Variants in CACNA2D1 observed in about 807,000 individuals in gnomAD.
CACNA2D1 encodes the protein voltage-dependent calcium channel subunit alpha-2/delta-1.
In CACNA2D1, 53 loss-of-function variants were observed where a neutral mutation model predicts 171.5. The observed-to-expected ratio is 0.31, with a 90% CI of 0.25 to 0.39. The LOEUF (loss-of-function observed/expected upper bound fraction) is 0.39. Among genes scored for constraint, CACNA2D1 ranks in the 10% least tolerant of loss-of-function variants. CACNA2D1 has a pLI of 1.00. For missense variants in CACNA2D1, 903 were observed against 1,299.8 expected (o/e 0.69, Z 4.69); for synonymous variants, 442 against 443.1 (o/e 1.00, Z 0.03).
At chr7:82,403,454 T>C (rs1330492009) in intron 1 of CACNA2D1, among the ~76,000 whole-genome samples, 1 of 152,212 alleles carries the variant, frequency 6.6e-6, no homozygotes, top group Non-Finnish European at 1.5e-5. Flanking sequence ...AGGACTCCAG[T>C]TCTCTTTCTC....
chr7:82,367,047 C>CAGATATGT (rs1189558029), intron 1 of CACNA2D1, among the ~76,000 whole-genome samples: 2 of 151,320 alleles, frequency 1.3e-5, no homozygotes, highest in African/African-American at 4.9e-5. Flanking sequence ...GCTGGGACTA[C>CAGATATGT]AGATATGTAC....
chr7:82,117,160 T>C lies in CACNA2D1; in HGVS notation c.410A>G (p.Asp137Gly), dbSNP rs747401054. 1.2e-6 allele frequency: 2 copies of C among 1,613,750 alleles called. No homozygotes were observed. Among genetic ancestry groups the C allele is most frequent in the Non-Finnish European group, 1.7e-6 (2 of 1,179,836 alleles). Residue 137 changes from aspartate to glycine, a missense_variant, in exon 6 of 39, where the codon GAC (aspartate) becomes GGC (glycine). Coordinates refer to ENST00000356860, the MANE Select transcript of CACNA2D1 (RefSeq NM_000722.4). ...AKDDLDPEKN[D>G]SEPGSQRIKP... Reference sequence around the variant, plus strand: ...TATCCTCTGGCTGCCTGGCTCACTGTCATTTTTCTCAGGCTATATAGAAAA... The same window carrying C: ...TATCCTCTGGCTGCCTGGCTCACTGCCATTTTTCTCAGGCTATATAGAAAA...
At chr7:82,367,781 G>A (rs78874074) in intron 1 of CACNA2D1, among the ~76,000 whole-genome samples, 22,670 of 152,062 alleles carry the variant, frequency 0.15, 1,823 homozygotes, top group South Asian at 0.27. Context: ...GAAAAGCATG[G>A]ACTTTTTAAT....
In CACNA2D1 at chr7:82,182,129, G is replaced by A. The variant is rs1797194741; in HGVS notation, c.295-11520C>T. ...GGATGGAGGATGCTCAAACTTGCTT[G>A]TCCTTGTGAGCCCATTACTCACAAT... On this transcript the variant is annotated intron_variant, in intron 3 of 38. Transcript: ENST00000356860. 2.0e-5 allele frequency among the ~76,000 whole-genome samples: 3 copies of A among 151,632 alleles called. No homozygotes were observed. The South Asian group carries it at 6.2e-4, about 32-fold the overall frequency.
intron 3 of CACNA2D1, among the ~76,000 whole-genome samples, chr7:82,273,408 T>C (rs188476346): frequency 3.9e-4 from 59 of 151,760 alleles, no homozygotes; most frequent in Non-Finnish European, 6.6e-4. Flanking sequence ...ATACATACGA[T>C]GTTGCCATTA....
chr7:82,183,715 A>G (rs1375901511), intron 3 of CACNA2D1, among the ~76,000 whole-genome samples: 3 of 152,168 alleles, frequency 2.0e-5, no homozygotes, highest in South Asian at 2.1e-4. Flanking sequence ...ATGAATGAAG[A>G]AGGAGGAAAA....
chr7:82,022,591 T>C (rs1801363984), intron 12 of CACNA2D1, among the ~76,000 whole-genome samples: 1 of 151,912 alleles, frequency 6.6e-6, no homozygotes, highest in Admixed American at 6.6e-5. Flanking sequence ...TTATTTTCCA[T>C]GGATTATTTT....
chr7:82,104,917 A>G (rs1365743389), intron 6 of CACNA2D1, among the ~76,000 whole-genome samples: 1 of 152,080 alleles, frequency 6.6e-6, no homozygotes. Context: ...CAATTATACC[A>G]TCTAGACATT....
At chr7:82,091,524 G>C (rs1477504428) in intron 6 of CACNA2D1, among the ~76,000 whole-genome samples, 1 of 152,132 alleles carries the variant, frequency 6.6e-6, no homozygotes, top group African/African-American at 2.4e-5. Context: ...GCACAGAGGA[G>C]GAGCTCAGAA....
rs1421438211 is a variant in CACNA2D1 at position 82,111,313 on chromosome 7, T to TATATATAC, written c.526+5730_526+5731insGTATATAT. On this transcript the variant is annotated intron_variant, in intron 6 of 38. Transcript: ENST00000356860. ...CTGGGTATATATATATATATATATATACGTGTATATACGCATACACGTATA... is the reference window on the plus strand; with the variant it reads ...CTGGGTATATATATATATATATATATATATATACACGTGTATATACGCATACACGTATA... Among the ~76,000 whole-genome samples the TATATATAC allele has an allele frequency of 1.2e-3, 120 of 103,322 alleles. 1 individual carries two copies. In the Middle Eastern group the frequency reaches 0.036, roughly 31 times the overall value. The allele number at this position is 103,322 out of a possible 152,430, so 67.8% of individuals were successfully genotyped here.
chr7:82,135,328 A>G (rs1791478671), intron 5 of CACNA2D1, among the ~76,000 whole-genome samples: 1 of 152,100 alleles, frequency 6.6e-6, no homozygotes. Context: ...CTCTTCAAAA[A>G]TGGTACTTAT....
At chr7:82,218,571 A>AT (rs1364647586) in intron 3 of CACNA2D1, among the ~76,000 whole-genome samples, 1 of 152,146 alleles carries the variant, frequency 6.6e-6, no homozygotes, top group Non-Finnish European at 1.5e-5. Flanking sequence ...ATATTTGTAG[A>AT]TTTTTTTAAA....
chr7:81,970,759 G>A, intron 26 of CACNA2D1, 22 bp from the exon 27 acceptor site: 1 of 1,463,866 alleles, frequency 6.8e-7, no homozygotes, highest in South Asian at 1.1e-5. Flanking sequence ...GACAAAACAA[G>A]GAAATGTTCT....
rs775140112 is a variant in CACNA2D1 at position 81,964,045 on chromosome 7, T to A, written c.2780+11A>T. 56 of 1,609,888 alleles carry A rather than the reference T, an allele frequency of 3.5e-5. 1 individual carries two copies. In the South Asian group the frequency reaches 6.2e-4, roughly 18 times the overall value. ...TCTTTCATTACCAATAAAACTAAAA[T>A]TTTGACTTACCAGGCAGCAGCAGTG... On this transcript the variant is annotated intron_variant, in intron 34 of 38. Transcript: ENST00000356860.
intron 10 of CACNA2D1, among the ~76,000 whole-genome samples, chr7:82,040,330 G>A (rs899347690): frequency 1.3e-5 from 2 of 151,782 alleles, no homozygotes; most frequent in African/African-American, 2.4e-5. Context: ...ATAGAGAAGA[G>A]AAGCACAGAG....
intron 3 of CACNA2D1, among the ~76,000 whole-genome samples, chr7:82,207,489 T>C (rs1031876054): frequency 6.6e-6 from 1 of 152,070 alleles, no homozygotes; most frequent in Non-Finnish European, 1.5e-5. Context: ...AATTATCCTA[T>C]GCTGTACTTT....
chr7:82,102,851 G>C (rs980105032), intron 6 of CACNA2D1, among the ~76,000 whole-genome samples: 1 of 152,172 alleles, frequency 6.6e-6, no homozygotes, highest in Non-Finnish European at 1.5e-5. Context: ...GTTGAAAGGA[G>C]AGATTCAGAT....
At chr7:82,131,267 A>G (rs1458971849) in intron 5 of CACNA2D1, among the ~76,000 whole-genome samples, 1 of 152,210 alleles carries the variant, frequency 6.6e-6, no homozygotes, top group African/African-American at 2.4e-5. Flanking sequence ...AGTTTCAGCC[A>G]ATCACAGGCT....
chr7:82,127,250 A>G (rs1045024810), intron 5 of CACNA2D1, among the ~76,000 whole-genome samples: 4 of 152,238 alleles, frequency 2.6e-5, no homozygotes, highest in African/African-American at 9.6e-5. Flanking sequence ...ATCCCATTAG[A>G]TGAAATTAAG....
Sources: allele counts gnomAD v4.1 joint callset (sites outside exome capture counted in the v4.1 genomes callset), GRCh38; gene constraint gnomAD v4.1.1; transcripts MANE v1.5; gene names NCBI Gene and HGNC (gene_info 2026-07-23, HGNC 2026-07-21).